The following PIK3C2G variants were observed in gnomAD, a reference collection of about 807,000 sequenced individuals.
PIK3C2G encodes phosphatidylinositol 3-kinase C2 domain-containing subunit gamma.
PIK3C2G carries 168 observed loss-of-function variants against 181.1 expected under a neutral mutation model. That is an observed-to-expected ratio of 0.93 (90% CI 0.82 to 1.05). The LOEUF (loss-of-function observed/expected upper bound fraction) is 1.05, where lower values mean the gene tolerates loss of function less well. Ranked by LOEUF, PIK3C2G falls within the 50% of genes least tolerant of loss-of-function variation. The pLI, the probability that PIK3C2G is intolerant of heterozygous loss-of-function variation, is 0.00. For missense variants in PIK3C2G, 1,869 were observed against 1,732.8 expected (o/e 1.08, Z -1.40); for synonymous variants, 573 against 592.2 (o/e 0.97, Z 0.47).
intron 16 of PIK3C2G, among the ~76,000 whole-genome samples, chr12:18,409,197 C>A (rs1202362633): frequency 2.0e-5 from 3 of 152,156 alleles, no homozygotes; most frequent in African/African-American, 7.2e-5. Context: ...CACATATACA[C>A]CATGGAATAC....
At chr12:18,246,456 TAGAA>T (rs1193746248), upstream of PIK3C2G, among the ~76,000 whole-genome samples, 34 of 152,124 alleles carry the variant, frequency 2.2e-4, no homozygotes, top group Non-Finnish European at 2.9e-5. Flanking sequence ...TTTTAAAAGG[TAGAA>T]AGCACAATTT....
chr12:18,378,368 A>G (rs1942600658), intron 13 of PIK3C2G, among the ~76,000 whole-genome samples: 1 of 152,078 alleles, frequency 6.6e-6, no homozygotes, highest in African/African-American at 2.4e-5. Flanking sequence ...ATAAAGTATT[A>G]GTTCAGTAAC....
At position 18,546,231 on chromosome 12, in the gene PIK3C2G, G is replaced by C. The variant is rs895460683; in HGVS notation, c.3481-92G>C. On this transcript the variant is annotated intron_variant, in intron 25 of 32. Transcript: ENST00000538779. ...ACATTGCCATGCAAACTTGGGTCTA[G>C]ATGTCTCTGGGTAGAATTAATCAAG... The C allele has an allele frequency of 2.1e-5, 16 of 765,044 alleles. No individual in the cohort carries two copies. In the Admixed American group the frequency reaches 3.6e-4, roughly 17 times the overall value. 47.4% of individuals were successfully genotyped at this position (765,044 alleles called of 1,614,324 possible).
chr12:18,324,836 G>A (rs1362258706), intron 7 of PIK3C2G, among the ~76,000 whole-genome samples, 199 bp from the exon 8 acceptor site: 1 of 152,156 alleles, frequency 6.6e-6, no homozygotes, highest in East Asian at 1.9e-4. Flanking sequence ...TTTCAGATAT[G>A]TTTGTAGTCT....
At chr12:18,395,711 A>C (rs1428213337) in intron 15 of PIK3C2G, among the ~76,000 whole-genome samples, 1 of 151,508 alleles carries the variant, frequency 6.6e-6, no homozygotes, top group African/African-American at 2.4e-5. Context: ...TAAAATTTAT[A>C]ATAACTTCAA....
rs567793764 is a variant in PIK3C2G at position 18,583,978 on chromosome 12, C to T, written c.4012-10516C>T. On this transcript the variant is annotated intron_variant, in intron 29 of 32. Transcript: ENST00000538779. The stretch of plus-strand genomic sequence containing the variant: ...CCATAAGAATCACAATAAAATAATA[C>T]AGGAGCTGACAGATAAAATAGACAG... 1.1e-4 allele frequency among the ~76,000 whole-genome samples: 17 copies of T among 152,096 alleles called. No individual in the cohort carries two copies. The East Asian group carries it at 1.9e-3, about 17-fold the overall frequency.
intron 11 of PIK3C2G, among the ~76,000 whole-genome samples, chr12:18,362,197 C>T (rs777875554): frequency 3.6e-4 from 54 of 152,074 alleles, no homozygotes; most frequent in Non-Finnish European, 6.5e-4. Context: ...ATAGCAAGTA[C>T]GTGCTAGTAA....
intron 16 of PIK3C2G, among the ~76,000 whole-genome samples, chr12:18,407,448 T>C (rs1944601718): frequency 6.6e-6 from 1 of 152,120 alleles, no homozygotes; most frequent in Admixed American, 6.6e-5. Flanking sequence ...GATGAAGACA[T>C]TGAAACCCAT....
At chr12:18,331,317 A>C (rs919469391) in intron 8 of PIK3C2G, among the ~76,000 whole-genome samples, 26 of 152,162 alleles carry the variant, frequency 1.7e-4, no homozygotes, top group African/African-American at 6.3e-4. Flanking sequence ...ATTTAATCTG[A>C]TCTATTTCTT....
At chr12:18,674,878 C>G in the PIK3C2G span, among the ~76,000 whole-genome samples, 20 of 152,076 alleles carry the variant, frequency 1.3e-4, no homozygotes, top group East Asian at 1.9e-4. Flanking sequence ...TGTGAAGAAC[C>G]CTGGGATGAA....
chr12:18,298,608 TA>T (rs1231836222), intron 5 of PIK3C2G, among the ~76,000 whole-genome samples: 1 of 151,834 alleles, frequency 6.6e-6, no homozygotes, highest in African/African-American at 2.4e-5. Flanking sequence ...GTATTAGCCA[TA>T]AAAAACTTGC....
the PIK3C2G span, among the ~76,000 whole-genome samples, chr12:18,709,721 A>G: frequency 3.3e-5 from 5 of 151,790 alleles, no homozygotes; most frequent in African/African-American, 9.7e-5. Context: ...ACCCCAAGGG[A>G]AAAAAAACCC....
intron 18 of PIK3C2G, among the ~76,000 whole-genome samples, chr12:18,478,922 C>T (rs1241080729): frequency 6.6e-6 from 1 of 150,546 alleles, no homozygotes; most frequent in African/African-American, 2.4e-5. Flanking sequence ...CTACAGTTAG[C>T]CATGATCACA....
At chr12:18,298,500 G>A (rs1460119316) in intron 5 of PIK3C2G, among the ~76,000 whole-genome samples, 1 of 150,554 alleles carries the variant, frequency 6.6e-6, no homozygotes, top group Non-Finnish European at 1.5e-5. Context: ...CCATTCAACA[G>A]ATTGTCTCTG....
rs149988519 is a variant in PIK3C2G, at chr12:18,480,153, T to C, written c.2505-8296T>C. On this transcript the variant is annotated intron_variant, in intron 18 of 32. Transcript: ENST00000538779. ...GGAGGTGGGATACAGGAGGGCCTCATAGATACCTGTGTCTTCCAAAGTGTG... is the reference window on the plus strand; with the variant it reads ...GGAGGTGGGATACAGGAGGGCCTCACAGATACCTGTGTCTTCCAAAGTGTG... Among the ~76,000 whole-genome samples, 36 of 152,240 alleles carry C rather than the reference T, an allele frequency of 2.4e-4. No individual in the cohort carries two copies. In the East Asian group the frequency reaches 6.4e-3, roughly 27 times the overall value.
intron 31 of PIK3C2G, among the ~76,000 whole-genome samples, chr12:18,636,738 A>G (rs517670): frequency 0.43 from 65,235 of 152,012 alleles, 15,243 homozygotes; most frequent in Admixed American, 0.57. Flanking sequence ...AAATTGAGTG[A>G]GGATGTGGTG....
chr12:18,335,792 T>G (rs1938474432), intron 8 of PIK3C2G, among the ~76,000 whole-genome samples: 2 of 152,180 alleles, frequency 1.3e-5, no homozygotes. Context: ...CAGTTATGCA[T>G]GAATATAATG....
chr12:18,254,176 T>C (rs1053695801), intron 1 of PIK3C2G, among the ~76,000 whole-genome samples: 1 of 152,178 alleles, frequency 6.6e-6, no homozygotes, highest in African/African-American at 2.4e-5. Flanking sequence ...TTGTGTACTT[T>C]GTATTAGTTG....
At chr12:18,516,431 T>G (rs1468567204) in intron 24 of PIK3C2G, among the ~76,000 whole-genome samples, 1 of 152,094 alleles carries the variant, frequency 6.6e-6, no homozygotes, top group African/African-American at 2.4e-5. Flanking sequence ...TTTTTGATAA[T>G]TTGATTATAA....
Sources: allele counts gnomAD v4.1 joint callset (sites outside exome capture counted in the v4.1 genomes callset), GRCh38; gene constraint gnomAD v4.1.1; transcripts MANE v1.5; gene names NCBI Gene and HGNC (gene_info 2026-07-23, HGNC 2026-07-21).